GRIP1: variants seen among roughly 807,000 people sequenced by gnomAD.
GRIP1 encodes the protein glutamate receptor-interacting protein 1.
Under a neutral mutation model 129.9 loss-of-function variants are expected in GRIP1, and 45 were observed. The observed-to-expected ratio is 0.35, with a 90% confidence interval of 0.27 to 0.44. GRIP1 has a LOEUF of 0.44. Among genes scored for constraint, GRIP1 ranks in the 20% least tolerant of loss-of-function variants. The probability of loss-of-function intolerance (pLI) is 1.00; values close to 1 mark genes in which losing one functional copy is unlikely to be tolerated. For missense variants in GRIP1, 1,196 were observed against 1,396.8 expected (o/e 0.86, Z 2.29); for synonymous variants, 530 against 520.8 (o/e 1.02, Z -0.24).
intron 1 of GRIP1, among the ~76,000 whole-genome samples, chr12:66,824,494 T>C (rs534487927): frequency 7.1e-4 from 108 of 152,264 alleles, no homozygotes; most frequent in African/African-American, 2.5e-3. Flanking sequence ...GCAACGCAAA[T>C]GGCCTACTCA....
intron 22 of GRIP1, 148 bp from the exon 23 acceptor site, chr12:66,372,075 T>C (rs939069035): frequency 5.9e-6 from 4 of 679,174 alleles, no homozygotes; most frequent in Non-Finnish European, 1.1e-5. Flanking sequence ...ATGTACTAAT[T>C]GAACTATGAA....
chr12:66,415,460 A>C (rs1387855563), intron 15 of GRIP1, among the ~76,000 whole-genome samples: 1 of 152,210 alleles, frequency 6.6e-6, no homozygotes, highest in East Asian at 1.9e-4. Flanking sequence ...GAATGCTTTT[A>C]CATGGTTGGT....
At chr12:66,970,785 A>C (rs2042064780) in intron 1 of GRIP1, among the ~76,000 whole-genome samples, 1 of 152,086 alleles carries the variant, frequency 6.6e-6, no homozygotes, top group South Asian at 2.1e-4. Context: ...AATGTTTCTT[A>C]ACCTTTTTCC....
In GRIP1 at chr12:66,371,777, C is replaced by T; in HGVS notation, c.2929G>A (p.Val977Met). ...TTRSNTLPSDVGRKSVTLRKM... is the reference protein window; with the variant it reads ...TTRSNTLPSDMGRKSVTLRKM... ...CTCAGGGTTACTGACTTCCTACCCA[C>T]ATCTGAAGGCAGGGTGTTGCTCCGA... Residue 977 changes from valine to methionine, a missense_variant, in exon 23 of 25, where the codon GTG becomes ATG. By Grantham distance (21) the Val-to-Met change is conservative. Transcript: ENST00000359742. 1.2e-6 allele frequency: 2 copies of T among 1,614,142 alleles called. No individual in the cohort carries two copies. Among genetic ancestry groups the T allele is most frequent in the Non-Finnish European group, 1.7e-6 (2 of 1,179,966 alleles).
intron 7 of GRIP1, among the ~76,000 whole-genome samples, chr12:66,477,886 A>G (rs11176214): frequency 0.26 from 40,197 of 152,046 alleles, 5,528 homozygotes; most frequent in Middle Eastern, 0.43. Flanking sequence ...TTCAAGATGG[A>G]TTAAAGACTT....
In GRIP1 at chr12:66,424,302, T is replaced by G. The variant is rs6581688; in HGVS notation, c.1769-3513A>C. On this transcript the variant is annotated intron_variant, in intron 14 of 24. Transcript: ENST00000359742. ...AGGAAACAACTTACTATATTACTTT[T>G]TAAAATGTATTTTCTTTGTACCAAA... 2.6e-5 allele frequency among the ~76,000 whole-genome samples: 4 copies of G among 152,134 alleles called. No homozygotes were observed. In the South Asian group the frequency reaches 8.3e-4, roughly 32 times the overall value.
At chr12:66,961,378 T>C (rs11176497) in intron 1 of GRIP1, among the ~76,000 whole-genome samples, 42,565 of 151,944 alleles carry the variant, frequency 0.28, 5,947 homozygotes, top group Middle Eastern at 0.35. Context: ...TCACTTTACA[T>C]AGAAAAAAGC....
intron 1 of GRIP1, among the ~76,000 whole-genome samples, chr12:66,841,853 T>A (rs1298890204): frequency 6.6e-6 from 1 of 152,174 alleles, no homozygotes; most frequent in Non-Finnish European, 1.5e-5. Context: ...GCCTATTCTG[T>A]AAATCACATT....
intron 7 of GRIP1, among the ~76,000 whole-genome samples, chr12:66,483,254 T>C (rs578192658): frequency 2.0e-5 from 3 of 152,332 alleles, no homozygotes; most frequent in African/African-American, 7.2e-5. Flanking sequence ...ATTCATATAA[T>C]GCTATTAATA....
At chr12:66,691,272 G>T (rs1046180311) in intron 1 of GRIP1, among the ~76,000 whole-genome samples, 1 of 152,160 alleles carries the variant, frequency 6.6e-6, no homozygotes, top group African/African-American at 2.4e-5. Context: ...TGTGGTCCTG[G>T]TGGAAGGCAA....
Position 66,889,602 on chromosome 12 carries a change from T to A in GRIP1, c.58+179448A>T, listed in dbSNP as rs557016130. Among the ~76,000 whole-genome samples the A allele has an allele frequency of 2.0e-5, 3 of 152,370 alleles. No individual in the cohort carries two copies. In the East Asian group the frequency reaches 5.8e-4, roughly 29 times the overall value. On this transcript the variant is annotated intron_variant, in intron 1 of 1. Coordinates refer to the GRIP1 transcript ENST00000643019. The stretch of plus-strand genomic sequence containing the variant: ...TAACTATGCCAAATAATCAGTGGTG[T>A]AAGGTAAAATTCATTCCTTGATCAG...
chr12:66,643,185 A>T (rs2032082363), intron 1 of GRIP1, among the ~76,000 whole-genome samples: 1 of 152,174 alleles, frequency 6.6e-6, no homozygotes, highest in Non-Finnish European at 1.5e-5. Flanking sequence ...TCCTTTCTGG[A>T]AGACAGTTTA....
At chr12:66,923,904 GC>G (rs1945019967) in intron 1 of GRIP1, among the ~76,000 whole-genome samples, 5 of 152,006 alleles carry the variant, frequency 3.3e-5, no homozygotes, top group Admixed American at 2.6e-4. Context: ...GAGTGTAATG[GC>G]GCCATCTCAG....
At position 66,962,837 on chromosome 12, in the gene GRIP1, TA is replaced by T. The variant is rs1428434385; in HGVS notation, c.58+106212del. Among the ~76,000 whole-genome samples, 50 of 152,168 alleles carry T rather than the reference TA, an allele frequency of 3.3e-4. 1 individual carries two copies. Among genetic ancestry groups the T allele is most frequent in the South Asian group, 4.1e-4 (2 of 4,832 alleles). ...ATACATAGGTATATTAATAACTTAA[TA>T]TTAATTAAAGTTCAATGTGTATTTT... On this transcript the variant is annotated intron_variant, in intron 1 of 1. Coordinates refer to the GRIP1 transcript ENST00000643019.
At chr12:66,897,816 T>A (rs928946160) in intron 1 of GRIP1, among the ~76,000 whole-genome samples, 1 of 152,226 alleles carries the variant, frequency 6.6e-6, no homozygotes, top group African/African-American at 2.4e-5. Context: ...TTGTTCAAGA[T>A]GTAAGTGTGA....
intron 14 of GRIP1, among the ~76,000 whole-genome samples, chr12:66,431,134 A>G (rs1161123927): frequency 1.3e-5 from 2 of 152,212 alleles, no homozygotes; most frequent in Non-Finnish European, 2.9e-5. Context: ...TGAGCCCTAA[A>G]TATGTTTGGA....
upstream of GRIP1, among the ~76,000 whole-genome samples, chr12:66,684,137 C>T (rs1457750047): frequency 3.3e-5 from 5 of 152,120 alleles, no homozygotes; most frequent in African/African-American, 1.2e-4. Context: ...GCAGTAACAG[C>T]TTTTATTAGC....
chr12:66,635,598 C>A (rs1181287298), intron 1 of GRIP1, among the ~76,000 whole-genome samples: 3 of 151,916 alleles, frequency 2.0e-5, no homozygotes, highest in African/African-American at 7.2e-5. Flanking sequence ...TCGTAAATTC[C>A]ATTATATTAA....
intron 20 of GRIP1, among the ~76,000 whole-genome samples, chr12:66,378,826 A>C (rs2055948977): frequency 6.6e-6 from 1 of 152,160 alleles, no homozygotes; most frequent in South Asian, 2.1e-4. Context: ...ACAGGCCTAT[A>C]ATCCCAGCTA....
Sources: allele counts gnomAD v4.1 joint callset (sites outside exome capture counted in the v4.1 genomes callset), GRCh38; gene constraint gnomAD v4.1.1; transcripts MANE v1.5; gene names NCBI Gene and HGNC (gene_info 2026-07-23, HGNC 2026-07-21).